ERBB4: variants seen among roughly 807,000 people sequenced by gnomAD.
The protein encoded by ERBB4 is erb-b2 receptor tyrosine kinase 4.
In ERBB4, 42 loss-of-function variants were observed where a neutral mutation model predicts 158.0. That is an observed-to-expected ratio of 0.27 (90% confidence interval 0.21 to 0.34). ERBB4 has a LOEUF of 0.34. Among genes scored for constraint, ERBB4 ranks in the 10% least tolerant of loss-of-function variants. ERBB4 has a pLI of 1.00. For missense variants in ERBB4, 1,333 were observed against 1,624.1 expected (o/e 0.82, Z 3.08); for synonymous variants, 583 against 558.7 (o/e 1.04, Z -0.61).
At chr2:211,798,033 A>G (rs1446213778) in intron 3 of ERBB4, among the ~76,000 whole-genome samples, 1 of 152,032 alleles carries the variant, frequency 6.6e-6, no homozygotes, top group Admixed American at 6.6e-5. Context: ...TTTAAGCTCT[A>G]TGTTTTACAT....
At chr2:211,744,954 G>C (rs769139892) in intron 5 of ERBB4, among the ~76,000 whole-genome samples, 6 of 152,176 alleles carry the variant, frequency 3.9e-5, no homozygotes, top group Non-Finnish European at 8.8e-5. Flanking sequence ...TAGGGAAATA[G>C]GTCATTTGTA....
chr2:212,322,638 C>T (rs1431281570), intron 1 of ERBB4, among the ~76,000 whole-genome samples: 4 of 150,148 alleles, frequency 2.7e-5, no homozygotes, highest in Admixed American at 1.3e-4. Context: ...ACTTCACTAC[C>T]ATTACCCTGG....
chr2:212,538,361 G>A (rs1057224377), intron 1 of ERBB4, 88 bp downstream of exon 1: 11 of 1,188,638 alleles, frequency 9.3e-6, no homozygotes, highest in South Asian at 6.1e-5. Context: ...CACGCCTCCC[G>A]GGATGGGTGA....
At chr2:212,459,096 G>A (rs1239702020) in intron 1 of ERBB4, among the ~76,000 whole-genome samples, 5 of 152,046 alleles carry the variant, frequency 3.3e-5, no homozygotes, top group Non-Finnish European at 1.5e-5. Context: ...ATTTGTACAG[G>A]GTGATTTCTG....
intron 1 of ERBB4, among the ~76,000 whole-genome samples, chr2:212,150,954 C>T (rs932700593): frequency 6.6e-6 from 1 of 152,052 alleles, no homozygotes; most frequent in Non-Finnish European, 1.5e-5. Context: ...GTAATACTGG[C>T]CATAACCCTA....
In ERBB4 at chr2:211,378,257, C is replaced by A. The variant is rs190394415; in HGVS notation, c.*5358G>T. The A allele has an allele frequency of 7.3e-3, 1,695 of 232,846 alleles. 20 individuals are homozygous for A. The highest frequency in any genetic ancestry group is 0.019 in the South Asian group (104 of 5,522). 14.4% of individuals were successfully genotyped at this position (232,846 alleles called of 1,614,324 possible). A position where few individuals can be genotyped will look rare whatever the true frequency, so the allele number is the denominator to read the frequency against. On this transcript the variant is annotated 3_prime_UTR_variant, in exon 28 of 28. Coordinates refer to ENST00000342788, the MANE Select transcript of ERBB4 (RefSeq NM_005235.3). ...GTCAAAGAGTATTTTCCAGAGGAAG[C>A]ATGTGAATACCCCCCGTGAAATTGG...
chr2:211,397,811 TC>T (rs2062952115), intron 25 of ERBB4, among the ~76,000 whole-genome samples: 1 of 152,170 alleles, frequency 6.6e-6, no homozygotes, highest in African/African-American at 2.4e-5. Context: ...CAACTCACAC[TC>T]CAAAAACATC....
intron 2 of ERBB4, among the ~76,000 whole-genome samples, chr2:212,008,535 G>A (rs938759372): frequency 1.3e-5 from 2 of 152,022 alleles, no homozygotes; most frequent in Non-Finnish European, 2.9e-5. Flanking sequence ...TTTTGAAAGC[G>A]CTGCACATTC....
chr2:211,598,831 G>GT (rs1223739928), intron 19 of ERBB4, among the ~76,000 whole-genome samples: 1 of 151,860 alleles, frequency 6.6e-6, no homozygotes, highest in Non-Finnish European at 1.5e-5. Context: ...TTTTTAGTTG[G>GT]TGTTACTCTT....
chr2:212,389,879 A>G (rs2090799222), intron 1 of ERBB4, among the ~76,000 whole-genome samples: 1 of 151,898 alleles, frequency 6.6e-6, no homozygotes, highest in African/African-American at 2.4e-5. Flanking sequence ...TGTTATTAAA[A>G]TGGTATAATA....
rs1440028529 is a variant in ERBB4, at chr2:212,053,792, C to T, written c.234+70960G>A. Among the ~76,000 whole-genome samples the T allele has an allele frequency of 2.0e-5, 3 of 152,144 alleles. No individual in the cohort carries two copies. The East Asian group carries it at 5.8e-4, about 29-fold the overall frequency. ...AGACTCTGGTATCTTCTTTATCTGG[C>T]TAAATCTTACGCATATTCAGGTTTC... On this transcript the variant is annotated intron_variant, in intron 2 of 27. Transcript: ENST00000342788.
At chr2:211,450,637 G>A (rs2064222950) in intron 20 of ERBB4, among the ~76,000 whole-genome samples, 1 of 152,180 alleles carries the variant, frequency 6.6e-6, no homozygotes, top group East Asian at 1.9e-4. Flanking sequence ...ACTTCAGTTA[G>A]TGCTACTGAT....
At chr2:212,079,014 C>T (rs906461661) in intron 2 of ERBB4, among the ~76,000 whole-genome samples, 1 of 151,074 alleles carries the variant, frequency 6.6e-6, no homozygotes, top group African/African-American at 2.4e-5. Flanking sequence ...TACTTCATTC[C>T]TTTTTTCTAT....
chr2:211,724,097 T>G (rs186212201), intron 6 of ERBB4, among the ~76,000 whole-genome samples: 288 of 152,296 alleles, frequency 1.9e-3, no homozygotes, highest in Middle Eastern at 0.017. Flanking sequence ...CAAGCTTCCA[T>G]CCTACGTCTG....
intron 1 of ERBB4, among the ~76,000 whole-genome samples, chr2:212,207,340 G>C (rs995946460): frequency 3.3e-5 from 5 of 152,082 alleles, no homozygotes; most frequent in South Asian, 4.1e-4. Context: ...TATGAAAAAG[G>C]CTTTTCAAAT....
At chr2:211,425,280 A>C (rs1158064011) in intron 22 of ERBB4, among the ~76,000 whole-genome samples, 1 of 151,998 alleles carries the variant, frequency 6.6e-6, no homozygotes, top group African/African-American at 2.4e-5. Flanking sequence ...TCTGTAATGA[A>C]TTATTTACTC....
chr2:211,545,345 C>G (rs769928974), intron 20 of ERBB4, among the ~76,000 whole-genome samples: 23 of 151,944 alleles, frequency 1.5e-4, no homozygotes, highest in Admixed American at 3.9e-4. Context: ...TGGAAGCCAC[C>G]CCATCCATAT....
chr2:211,941,717 T>TTC (rs386392492), intron 3 of ERBB4, among the ~76,000 whole-genome samples: 1 of 5,422 alleles, frequency 1.8e-4, no homozygotes, highest in Admixed American at 1.2e-3. Flanking sequence ...TTTGGAACAC[T>TTC]TTTTTTTTTT....
chr2:211,658,403 C>A (rs554657016), intron 15 of ERBB4, among the ~76,000 whole-genome samples: 1 of 151,922 alleles, frequency 6.6e-6, no homozygotes, highest in East Asian at 1.9e-4. Context: ...ATAAGAAAAC[C>A]ATGAGCAATC....
Sources: allele counts gnomAD v4.1 joint callset (sites outside exome capture counted in the v4.1 genomes callset), GRCh38; gene constraint gnomAD v4.1.1; transcripts MANE v1.5; gene names NCBI Gene and HGNC (gene_info 2026-07-23, HGNC 2026-07-21).